ATP13A5: variants seen among roughly 807,000 people sequenced by gnomAD.
ATP13A5 encodes the protein ATPase 13A5.
In ATP13A5, 149 loss-of-function variants were observed where a neutral mutation model predicts 150.2. The observed-to-expected ratio is 0.99, with a 90% CI of 0.87 to 1.14. The LOEUF (loss-of-function observed/expected upper bound fraction) is 1.14, where lower values mean the gene tolerates loss of function less well. ATP13A5 is among the 50% of genes most tolerant of loss of function. ATP13A5 has a pLI of 0.00. For synonymous variants in ATP13A5, 497 were observed against 522.2 expected (o/e 0.95, Z 0.66); for missense variants, 1,383 against 1,449.3 (o/e 0.95, Z 0.74).
intron 9 of ATP13A5, among the ~76,000 whole-genome samples, chr3:193,338,267 A>G (rs1273026304): frequency 2.0e-5 from 3 of 152,100 alleles, no homozygotes; most frequent in Admixed American, 6.6e-5. Context: ...TTCCAACACT[A>G]TGTTGAATAG....
chr3:193,353,841 T>C (rs1291037003), intron 6 of ATP13A5, among the ~76,000 whole-genome samples: 2 of 152,070 alleles, frequency 1.3e-5, no homozygotes, highest in East Asian at 1.9e-4. Context: ...CATTTTGTTA[T>C]AGCAACCCAG....
Position 193,284,913 on chromosome 3 carries a change from C to G in ATP13A5, c.3226+1G>C, listed in dbSNP as rs759020753. The G allele has an allele frequency of 6.2e-6, 10 of 1,607,422 alleles. No individual in the cohort carries two copies. The highest frequency in any genetic ancestry group is 4.4e-5 in the South Asian group (4 of 90,380). ...AGAAAAATTAAACTTTATATACTTA[C>G]AGTTTGTATAGATGGGTTTTCGAAA... On this transcript the variant is annotated splice_donor_variant, in intron 27 of 29. Transcript: ENST00000342358. LOFTEE classifies it high-confidence loss of function.
chr3:193,376,105 T>C (rs1395526458), intron 1 of ATP13A5, among the ~76,000 whole-genome samples: 2 of 152,230 alleles, frequency 1.3e-5, no homozygotes, highest in Admixed American at 1.3e-4. Context: ...CAGGTTTACT[T>C]TGACCTACTG....
At chr3:193,319,753 A>G (rs957960372) in intron 16 of ATP13A5, among the ~76,000 whole-genome samples, 2 of 140,980 alleles carry the variant, frequency 1.4e-5, no homozygotes, top group African/African-American at 4.9e-5. Context: ...GAAACAGCTG[A>G]TTTTCTAGAT....
intron 6 of ATP13A5, among the ~76,000 whole-genome samples, chr3:193,351,988 T>C (rs1042945495): frequency 1.3e-5 from 2 of 152,200 alleles, no homozygotes; most frequent in African/African-American, 4.8e-5. Flanking sequence ...AGGATATACA[T>C]GCAGAAAGTG....
At chr3:193,307,797 G>A (rs1560124909) in intron 21 of ATP13A5, among the ~76,000 whole-genome samples, 2 of 152,188 alleles carry the variant, frequency 1.3e-5, no homozygotes, top group Admixed American at 6.5e-5. Context: ...ATACCAGGAT[G>A]AGAAATTTCA....
intron 19 of ATP13A5, among the ~76,000 whole-genome samples, chr3:193,312,148 A>G (rs894180853): frequency 2.6e-5 from 4 of 152,212 alleles, no homozygotes; most frequent in African/African-American, 9.6e-5. Context: ...TGATACTTGG[A>G]CAGTATGGTA....
intron 5 of ATP13A5, among the ~76,000 whole-genome samples, chr3:193,361,262 C>A (rs1712997298): frequency 6.6e-6 from 1 of 152,016 alleles, no homozygotes. Context: ...ATAATAATAC[C>A]ATTTCTAAGG....
intron 5 of ATP13A5, among the ~76,000 whole-genome samples, chr3:193,360,141 C>T (rs919872044): frequency 6.6e-6 from 1 of 152,192 alleles, no homozygotes; most frequent in African/African-American, 2.4e-5. Flanking sequence ...GAGTTCAGTT[C>T]ATGACGGGTG....
At chr3:193,326,873 G>T in intron 13 of ATP13A5, 123 bp downstream of exon 13, 1 of 832,616 alleles carries the variant, frequency 1.2e-6, no homozygotes. Flanking sequence ...TTAGGAACTA[G>T]TTCCAGCCAA....
At chr3:193,348,894 A>C (rs540632370) in intron 7 of ATP13A5, among the ~76,000 whole-genome samples, 25 of 152,212 alleles carry the variant, frequency 1.6e-4, no homozygotes, top group Non-Finnish European at 3.2e-4. Flanking sequence ...ACTTGGAATC[A>C]GAAAACCTGG....
chr3:193,334,754 A>G (rs899525470), intron 10 of ATP13A5, among the ~76,000 whole-genome samples, 175 bp downstream of exon 10: 11 of 152,218 alleles, frequency 7.2e-5, no homozygotes, highest in Non-Finnish European at 1.0e-4. Context: ...GGTTTTACCA[A>G]TAAACCATTT....
chr3:193,353,048 A>G (rs1408648629), intron 6 of ATP13A5, among the ~76,000 whole-genome samples: 1 of 152,160 alleles, frequency 6.6e-6, no homozygotes, highest in Admixed American at 6.5e-5. Context: ...TTCCTGTTCC[A>G]GAATAGAGGT....
At chr3:193,345,342 A>C (rs1712294735) in intron 7 of ATP13A5, among the ~76,000 whole-genome samples, 1 of 152,202 alleles carries the variant, frequency 6.6e-6, no homozygotes, top group South Asian at 2.1e-4. Context: ...ACCTAAGCCA[A>C]GGAACCTGTT....
At chr3:193,276,626 T>C in intron 29 of ATP13A5, 124 bp downstream of exon 29, 1 of 671,458 alleles carries the variant, frequency 1.5e-6, no homozygotes, top group South Asian at 2.1e-5. Context: ...TGTACCATTT[T>C]AATAAACCCT....
intron 1 of ATP13A5, 109 bp from the exon 2 acceptor site, chr3:193,364,389 A>T: frequency 3.7e-6 from 5 of 1,366,226 alleles, no homozygotes; most frequent in Non-Finnish European, 4.0e-6. Flanking sequence ...CTGGGAGACA[A>T]ATCTGGTTAT....
Position 193,318,143 on chromosome 3 carries a change from C to T in ATP13A5, c.2033+848G>A, listed in dbSNP as rs189216406. 2.4e-4 allele frequency among the ~76,000 whole-genome samples: 37 copies of T among 152,248 alleles called. 1 individual carries two copies. Among genetic ancestry groups the T allele is most frequent in the East Asian group, 2.3e-3 (12 of 5,178 alleles). Reference sequence around the variant, plus strand: ...ATTGCATATTTTATAGATGGTGAAACAAGCACAGAGTAAGGAAGGGACTGT... The same window carrying T: ...ATTGCATATTTTATAGATGGTGAAATAAGCACAGAGTAAGGAAGGGACTGT... On this transcript the variant is annotated intron_variant, in intron 17 of 29. Transcript: ENST00000342358.
Position 193,343,955 on chromosome 3 carries a change from G to T in ATP13A5, c.915C>A (p.Ser305Arg). 3.7e-6 allele frequency: 6 copies of T among 1,613,274 alleles called. No homozygotes were observed. Among genetic ancestry groups the T allele is most frequent in the Non-Finnish European group, 5.1e-6 (6 of 1,179,528 alleles). ...LPCDAVLIDG[S>R]CVVNEGMLTG... Reference sequence around the variant, plus strand: ...TAAGCATGCCTTCATTCACCACGCAGCTTCCATCAATCAAAACAGCATCAC... The same window carrying T: ...TAAGCATGCCTTCATTCACCACGCATCTTCCATCAATCAAAACAGCATCAC... Residue 305 changes from serine (S) to arginine (R), a missense_variant, in exon 9 of 30, where the codon AGC (serine) becomes AGA (arginine). Physicochemically the swap from Ser to Arg is moderately radical, Grantham distance 110 (BLOSUM62 -1). Transcript: ENST00000342358.
intron 29 of ATP13A5, among the ~76,000 whole-genome samples, chr3:193,276,519 A>G (rs961081621): frequency 6.6e-6 from 1 of 152,228 alleles, no homozygotes; most frequent in South Asian, 2.1e-4. Flanking sequence ...GAGTTCATAC[A>G]TGTTTTGCTT....
Sources: allele counts gnomAD v4.1 joint callset (sites outside exome capture counted in the v4.1 genomes callset), GRCh38; gene constraint gnomAD v4.1.1; transcripts MANE v1.5; gene names NCBI Gene and HGNC (gene_info 2026-07-23, HGNC 2026-07-21).